The following FLT1 variants were observed in gnomAD, a reference collection of about 807,000 sequenced individuals.
FLT1 encodes the protein vascular endothelial growth factor receptor 1.
In FLT1, 49 loss-of-function variants were observed where a neutral mutation model predicts 156.3. The observed-to-expected ratio is 0.31, with a 90% CI of 0.25 to 0.40. The LOEUF is 0.40. Ranked by LOEUF, FLT1 falls within the 10% of genes least tolerant of loss-of-function variation. The pLI, the probability that FLT1 is intolerant of heterozygous loss-of-function variation, is 1.00. For synonymous variants in FLT1, 594 were observed against 583.8 expected (o/e 1.02, Z -0.25); for missense variants, 1,322 against 1,637.2 (o/e 0.81, Z 3.32).
chr13:28,324,518 G>C (rs1262122641), intron 20 of FLT1, among the ~76,000 whole-genome samples: 1 of 152,220 alleles, frequency 6.6e-6, no homozygotes, highest in Non-Finnish European at 1.5e-5. Flanking sequence ...GGGTTGCAGA[G>C]GGAGGCAGGC....
At chr13:28,332,547 T>C (rs1324719506) in intron 18 of FLT1, among the ~76,000 whole-genome samples, 1 of 152,152 alleles carries the variant, frequency 6.6e-6, no homozygotes, top group Non-Finnish European at 1.5e-5. Flanking sequence ...TTCAGGGTTT[T>C]GGAGCAGTGT....
At chr13:28,388,061 C>A (rs1487170804) in intron 13 of FLT1, 3 of 1,058,354 alleles carry the variant, frequency 2.8e-6, no homozygotes, top group Non-Finnish European at 3.4e-6. Context: ...CTATTAAGGC[C>A]CCCATGTTCT....
At chr13:28,418,745 A>T (rs1018489299) in intron 10 of FLT1, among the ~76,000 whole-genome samples, 2 of 151,708 alleles carry the variant, frequency 1.3e-5, no homozygotes, top group Non-Finnish European at 1.5e-5. Context: ...TTTTATTTTT[A>T]TCTTTTTGTA....
At chr13:28,412,355 T>TC (rs2137508193) in intron 10 of FLT1, among the ~76,000 whole-genome samples, 1 of 116,676 alleles carries the variant, frequency 8.6e-6, no homozygotes, top group South Asian at 3.2e-4. Context: ...TCTTTCTCTT[T>TC]CTTTCTTTCT....
Position 28,392,504 on chromosome 13 carries a change from G to A in FLT1, c.1661-2400C>T, listed in dbSNP as rs17086624. Among the ~76,000 whole-genome samples the A allele has an allele frequency of 1.3e-3, 203 of 152,268 alleles. 7 individuals are homozygous for A. In the East Asian group the frequency reaches 0.036, roughly 27 times the overall value. ...AAGACCACAGACTTTCCATTTATGAGCTCTCATCCTGGTAGTTAGAACCCA... is the reference window on the plus strand; with the variant it reads ...AAGACCACAGACTTTCCATTTATGAACTCTCATCCTGGTAGTTAGAACCCA... On this transcript the variant is annotated intron_variant, in intron 12 of 29. Coordinates refer to ENST00000282397, the MANE Select transcript of FLT1 (RefSeq NM_002019.4).
At chr13:28,383,683 G>T (rs935564124) in intron 14 of FLT1, among the ~76,000 whole-genome samples, 7 of 150,942 alleles carry the variant, frequency 4.6e-5, no homozygotes, top group Admixed American at 4.0e-4. Flanking sequence ...AAAAAAATTA[G>T]CTGGGTGTGG....
intron 17 of FLT1, among the ~76,000 whole-genome samples, chr13:28,336,821 C>T (rs1224747950): frequency 4.8e-5 from 7 of 145,976 alleles, no homozygotes; most frequent in Admixed American, 4.2e-4. Flanking sequence ...GATCTTGGCT[C>T]ACGGCAACCT....
chr13:28,337,891 T>A (rs1566292968), intron 17 of FLT1, among the ~76,000 whole-genome samples: 1 of 152,212 alleles, frequency 6.6e-6, no homozygotes, highest in South Asian at 2.1e-4. Context: ...GGCTCGTGAT[T>A]GTGGGAAAAT....
At chr13:28,452,717 T>A (rs1043977633) in intron 3 of FLT1, among the ~76,000 whole-genome samples, 10 of 152,218 alleles carry the variant, frequency 6.6e-5, no homozygotes, top group Admixed American at 6.5e-4. Context: ...GTCACTCATG[T>A]CTCCTATTTT....
chr13:28,325,659 CA>C (rs1871648605), intron 20 of FLT1, among the ~76,000 whole-genome samples: 1 of 151,710 alleles, frequency 6.6e-6, no homozygotes, highest in Non-Finnish European at 1.5e-5. Context: ...CCAAAATATT[CA>C]AAAATTAGCT....
At chr13:28,477,108 C>T (rs1258860178) in intron 1 of FLT1, among the ~76,000 whole-genome samples, 2 of 152,156 alleles carry the variant, frequency 1.3e-5, no homozygotes, top group African/African-American at 4.8e-5. Flanking sequence ...GCTCTAATAA[C>T]GTCAACATTC....
intron 1 of FLT1, among the ~76,000 whole-genome samples, chr13:28,468,348 G>T (rs1489099792): frequency 1.3e-5 from 2 of 151,908 alleles, no homozygotes; most frequent in Non-Finnish European, 1.5e-5. Flanking sequence ...AAGTGAGGTG[G>T]TGAAAGTGCT....
At chr13:28,463,282 T>C (rs1282491784) in intron 3 of FLT1, among the ~76,000 whole-genome samples, 1 of 152,242 alleles carries the variant, frequency 6.6e-6, no homozygotes, top group Non-Finnish European at 1.5e-5. Flanking sequence ...ATATTGATTT[T>C]TCTGTACATT....
Position 28,439,526 on chromosome 13 carries a change from A to G in FLT1, c.389-1181T>C, listed in dbSNP as rs996743737. Among the ~76,000 whole-genome samples the G allele has an allele frequency of 1.3e-5, 2 of 152,248 alleles. No homozygotes were observed. Among genetic ancestry groups the G allele is most frequent in the African/African-American group, 2.4e-5 (1 of 41,462 alleles). Reference sequence around the variant, plus strand: ...TATGGTAGAACTGTGTCCCCACCAAAACGATATGCTGAAGTCCTAACCCCC... The same window carrying G: ...TATGGTAGAACTGTGTCCCCACCAAGACGATATGCTGAAGTCCTAACCCCC... On this transcript the variant is annotated intron_variant, in intron 3 of 29. Coordinates refer to ENST00000282397, the MANE Select transcript of FLT1 (RefSeq NM_002019.4). This position sits in a 1 kb window ranked among gnomAD's most constrained non-coding sequence, Gnocchi z 4.1.
At chr13:28,369,675 T>A (rs1403867043) in intron 14 of FLT1, among the ~76,000 whole-genome samples, 1 of 152,074 alleles carries the variant, frequency 6.6e-6, no homozygotes, top group African/African-American at 2.4e-5. Flanking sequence ...CCTTTGTGAA[T>A]GTAAAAAAGA....
chr13:28,433,968 G>A lies in FLT1; in HGVS notation c.677-13C>T. ...ATGATTGTATTGGCTGCAAGCATAA[G>A]AGAGAAATTTTTTAAAATTAAGATT... On this transcript the variant is annotated splice_polypyrimidine_tract_variant and intron_variant, in intron 5 of 29. Transcript: ENST00000282397. 1 of 1,614,106 alleles carries A rather than the reference G, an allele frequency of 6.2e-7. No individual in the cohort carries two copies. The highest frequency in any genetic ancestry group is 8.5e-7 in the Non-Finnish European group (1 of 1,179,976).
chr13:28,332,047 G>T (rs75661456), intron 18 of FLT1, among the ~76,000 whole-genome samples: 2 of 151,920 alleles, frequency 1.3e-5, no homozygotes, highest in Non-Finnish European at 2.9e-5. Context: ...GCAAGATGGC[G>T]ATACTGTCTC....
chr13:28,321,747 C>T (rs952565218), intron 22 of FLT1, among the ~76,000 whole-genome samples, 162 bp from the exon 23 acceptor site: 1 of 152,254 alleles, frequency 6.6e-6, no homozygotes. Flanking sequence ...AAGAGCCTCT[C>T]TACAAATACA....
At chr13:28,474,635 G>A (rs1248881904) in intron 1 of FLT1, among the ~76,000 whole-genome samples, 2 of 152,106 alleles carry the variant, frequency 1.3e-5, no homozygotes. Context: ...GAGACAGGAA[G>A]GTAGATTAGT....
Sources: allele counts gnomAD v4.1 joint callset (sites outside exome capture counted in the v4.1 genomes callset), GRCh38; gene constraint gnomAD v4.1.1; non-coding constraint Gnocchi (gnomAD v3.1); transcripts MANE v1.5; gene names NCBI Gene and HGNC (gene_info 2026-07-23, HGNC 2026-07-21).